Variants in IQGAP3 observed in about 807,000 individuals in gnomAD.
IQGAP3 encodes the protein IQ motif containing GTPase activating protein 3, also known as ras GTPase-activating-like protein IQGAP3.
IQGAP3 carries 165 observed loss-of-function variants against 208.2 expected under a neutral mutation model. That is an observed-to-expected ratio of 0.79 (90% CI 0.70 to 0.90). The LOEUF (loss-of-function observed/expected upper bound fraction) is 0.90. Ranked by LOEUF, IQGAP3 falls within the 40% of genes least tolerant of loss-of-function variation. The pLI, the probability that IQGAP3 is intolerant of heterozygous loss-of-function variation, is 0.00. For synonymous variants in IQGAP3, 703 were observed against 803.6 expected, an observed-to-expected ratio of 0.87 and a Z score of 2.12; for missense variants, 1,811 against 2,043.1, an observed-to-expected ratio of 0.89 and a Z score of 2.19.
intron 27 of IQGAP3, among the ~76,000 whole-genome samples, 162 bp from the exon 28 acceptor site, chr1:156,535,409 G>C (rs774917532): frequency 9.9e-5 from 15 of 152,258 alleles, no homozygotes; most frequent in Middle Eastern, 3.4e-3. Context: ...GCTCCCTGCT[G>C]CCTTCCTCCA....
chr1:156,551,626 C>G (rs1178979510), intron 15 of IQGAP3, 79 bp downstream of exon 15: 14 of 1,429,576 alleles, frequency 9.8e-6, no homozygotes, highest in Non-Finnish European at 3.8e-6. Flanking sequence ...GAATAGAGCT[C>G]TGCCAGACTG....
chr1:156,572,312 G>C (rs558902383), intron 1 of IQGAP3, among the ~76,000 whole-genome samples, 181 bp downstream of exon 1: 2 of 152,340 alleles, frequency 1.3e-5, no homozygotes, highest in East Asian at 1.9e-4. Context: ...ACAATGCGCC[G>C]CTCACAGTTC....
At chr1:156,531,603 GTTTTTTTT>G (rs34783419) in intron 32 of IQGAP3, among the ~76,000 whole-genome samples, 4 of 120,556 alleles carry the variant, frequency 3.3e-5, no homozygotes, top group African/African-American at 1.3e-4. Context: ...CAGCTCACTT[GTTTTTTTT>G]TTTTTTTTTT....
At chr1:156,560,769 C>T (rs534488704) in intron 11 of IQGAP3, among the ~76,000 whole-genome samples, 165 bp downstream of exon 11, 1 of 152,186 alleles carries the variant, frequency 6.6e-6, no homozygotes, top group Non-Finnish European at 1.5e-5. Context: ...AGTGTCCCCC[C>T]AGGCAGCAGG....
Position 156,534,589 on chromosome 1 carries a change from G to A in IQGAP3, c.3652C>T (p.His1218Tyr), listed in dbSNP as rs751162526. Residue 1218 changes from histidine (H) to tyrosine (Y), a missense_variant, in exon 29 of 38, where the codon CAC becomes TAC. Transcript: ENST00000361170. The part of the protein sequence containing the change: ...ALGAVAQLLQ[H>Y]AAAGKAFSGQ... ...GAGAAGGCCTTGCCAGCCGCAGCGT[G>A]CTGTAGGAGCTGAGCCACAGCCCCC... The A allele has an allele frequency of 3.1e-6, 5 of 1,612,604 alleles. No homozygotes were observed. In the South Asian group the frequency reaches 4.4e-5, roughly 14 times the overall value.
chr1:156,526,528 G>A lies in IQGAP3; in HGVS notation c.4854C>T (p.Asn1618=), dbSNP rs749418932. 6.2e-7 allele frequency: 1 copy of A among 1,614,178 alleles called. No homozygotes were observed. Among genetic ancestry groups the A allele is most frequent in the Non-Finnish European group, 8.5e-7 (1 of 1,179,978 alleles). ...KLFNKAKVNV[N]LLIFLLNKKF... is the part of the protein sequence containing the mutation. The stretch of plus-strand genomic sequence containing the variant: ...TCTTGTTGAGGAGGAAGATGAGAAG[G>A]TTGACATTGACTTTGGCCTTGTTGA... Residue 1618 remains asparagine (N), a synonymous_variant, in exon 38 of 38, where the codon AAC becomes AAT. Transcript: ENST00000361170.
At chr1:156,533,143 A>ACACACACACATGCG in intron 31 of IQGAP3, 37 bp from the exon 32 acceptor site, 1 of 1,604,926 alleles carries the variant, frequency 6.2e-7, no homozygotes, top group Non-Finnish European at 8.5e-7. Context: ...AGACAGGCAT[A>ACACACACACATGCG]CACACACACA....
intron 11 of IQGAP3, among the ~76,000 whole-genome samples, chr1:156,559,937 A>C (rs1484193548): frequency 6.6e-6 from 1 of 152,216 alleles, no homozygotes; most frequent in East Asian, 1.9e-4. Flanking sequence ...TGGCAGCAGC[A>C]ATCGGGAATG....
rs1248682248 is a variant in IQGAP3 at position 156,539,425 on chromosome 1, T to C, written c.3005A>G (p.Glu1002Gly). Residue 1002 changes from glutamate to glycine, a missense_variant, in exon 25 of 38, where the codon GAG (glutamate) becomes GGG (glycine). Physicochemically the swap from Glu to Gly is moderately conservative, Grantham distance 98 (BLOSUM62 -2). Transcript: ENST00000361170. Reference protein sequence around the residue: ...SLYNYASSRREAYLLLQLFKT... With the variant: ...SLYNYASSRRGAYLLLQLFKT... ...GAACAGCTGGAGCAGGAGATAGGCC[T>C]CTCGGCGGCTGGAGGCATAGTTGTA... The C allele has an allele frequency of 6.2e-7, 1 of 1,614,082 alleles. No individual in the cohort carries two copies. The highest frequency in any genetic ancestry group is 8.5e-7 in the Non-Finnish European group (1 of 1,180,002).
At chr1:156,559,601 T>C (rs1557942165) in intron 11 of IQGAP3, among the ~76,000 whole-genome samples, 1 of 152,180 alleles carries the variant, frequency 6.6e-6, no homozygotes, top group Non-Finnish European at 1.5e-5. Flanking sequence ...GCAGAAGACT[T>C]CACAGAGGAG....
intron 16 of IQGAP3, among the ~76,000 whole-genome samples, chr1:156,549,781 A>T (rs567562960): frequency 3.9e-5 from 6 of 152,312 alleles, no homozygotes; most frequent in Admixed American, 1.3e-4. Flanking sequence ...GACCCCAGCC[A>T]CTGAGAACTA....
intron 8 of IQGAP3, 106 bp from the exon 9 acceptor site, chr1:156,562,771 A>G (rs1204448574): frequency 2.0e-6 from 2 of 999,866 alleles, no homozygotes; most frequent in Non-Finnish European, 3.2e-6. Flanking sequence ...GACCTTCCCA[A>G]GGCCAAAGTT....
In IQGAP3 at chr1:156,530,129, C is replaced by A. The variant is rs1553221988; in HGVS notation, c.4380G>T (p.Gln1460His). 1 of 1,606,588 alleles carries A rather than the reference C, an allele frequency of 6.2e-7. No individual in the cohort carries two copies. Among genetic ancestry groups the A allele is most frequent in the Admixed American group, 1.7e-5 (1 of 58,966 alleles). ...LGLVSARNGY[Q>H]GLVDELAKDI... ...CCTTGGCCAGCTCGTCCACTAGCCC[C>A]TGGTAGCCATTTCTGGCGCTGACCA... Residue 1460 changes from glutamine (Q) to histidine (H), a missense_variant, in exon 34 of 38, where the codon CAG becomes CAT. Gln to His is a conservative substitution (Grantham distance 24). Coordinates refer to ENST00000361170, the MANE Select transcript of IQGAP3 (RefSeq NM_178229.5).
At chr1:156,532,301 C>T (rs569560792) in intron 32 of IQGAP3, among the ~76,000 whole-genome samples, 269 of 150,110 alleles carry the variant, frequency 1.8e-3, no homozygotes, top group Non-Finnish European at 2.9e-3. Flanking sequence ...GCAGGAGAAT[C>T]GCTTGAACCC....
At position 156,556,624 on chromosome 1, in the gene IQGAP3, A is replaced by T; in HGVS notation, c.1199T>A (p.Leu400Gln). 3 of 1,612,060 alleles carry T rather than the reference A, an allele frequency of 1.9e-6. No homozygotes were observed. The Admixed American group carries it at 5.0e-5, about 27-fold the overall frequency. The change falls in exon 12 of 38, where the codon CTG becomes CAG. Residue 400 changes from leucine to glutamine, a missense_variant. Physicochemically the swap from Leu to Gln is moderately radical, Grantham distance 113. Coordinates refer to ENST00000361170, the MANE Select transcript of IQGAP3 (RefSeq NM_178229.5). ...RRVAADTVKE[L>Q]MCPEAQLPPV... ...AGGCAGCTGGGCCTCAGGGCACATC[A>T]GCTCCTTCACAGTGTCAGCCGCCAC...
intron 11 of IQGAP3, 99 bp from the exon 12 acceptor site, chr1:156,556,792 A>G (rs1675842636): frequency 1.7e-6 from 2 of 1,175,078 alleles, no homozygotes; most frequent in South Asian, 3.4e-5. Context: ...TTGGTGGGGA[A>G]ATGGCTTTCC....
chr1:156,528,753 C>G, intron 35 of IQGAP3, 143 bp from the exon 36 acceptor site: 1 of 1,072,876 alleles, frequency 9.3e-7, no homozygotes, highest in Non-Finnish European at 1.4e-6. Context: ...TGCACTTGAG[C>G]CCAAGACTTT....
chr1:156,539,160 T>C (rs1037443931), intron 25 of IQGAP3, 127 bp from the exon 26 acceptor site: 3 of 887,656 alleles, frequency 3.4e-6, no homozygotes, highest in Non-Finnish European at 5.4e-6. Context: ...AATGTCTTGA[T>C]ATCTCTCTCA....
rs79402045 is a variant in IQGAP3, at chr1:156,539,000, T to C, written c.3090A>G (p.Thr1030=). ...SKVEQPQDVV[T]GNPTVVRLVV... ...CCAGCCTCACCACTGTTGGGTTGCC[T>C]GTCACCACGTCCTGGGGCTGCTCCA... Residue 1030 remains threonine (T), a synonymous_variant, in exon 26 of 38, where the codon ACA becomes ACG. Transcript: ENST00000361170. The C allele has an allele frequency of 0.014, 23,197 of 1,614,096 alleles. 238 individuals are homozygous for C. Among genetic ancestry groups the C allele is most frequent in the Non-Finnish European group, 0.017 (20,479 of 1,179,964 alleles).
Sources: allele counts gnomAD v4.1 joint callset (sites outside exome capture counted in the v4.1 genomes callset), GRCh38; gene constraint gnomAD v4.1.1; transcripts MANE v1.5; gene names NCBI Gene and HGNC (gene_info 2026-07-23, HGNC 2026-07-21).